PTPRN2: variants seen among roughly 807,000 people sequenced by gnomAD.
The protein encoded by PTPRN2 is receptor-type tyrosine-protein phosphatase N2.
A neutral mutation model predicts 118.8 loss-of-function variants in PTPRN2; 74 were observed. The ratio of observed to expected loss-of-function variants is 0.62; its 90% confidence interval spans 0.52 to 0.76. The LOEUF (loss-of-function observed/expected upper bound fraction) is 0.76, where lower values mean the gene tolerates loss of function less well. Among genes scored for constraint, PTPRN2 ranks in the 30% least tolerant of loss-of-function variants. The pLI, the probability that PTPRN2 is intolerant of heterozygous loss-of-function variation, is 0.00. For missense variants in PTPRN2, 1,481 were observed against 1,394.4 expected, an observed-to-expected ratio of 1.06 and a Z score of -0.99; for synonymous variants, 641 against 608.0, an observed-to-expected ratio of 1.05 and a Z score of -0.80.
At chr7:157,686,706 G>C (rs1443744932) in intron 12 of PTPRN2, among the ~76,000 whole-genome samples, 4 of 152,236 alleles carry the variant, frequency 2.6e-5, no homozygotes, top group Admixed American at 6.5e-5. Context: ...TTTGAAAAGC[G>C]GAACACCCCC....
intron 12 of PTPRN2, among the ~76,000 whole-genome samples, chr7:157,736,364 C>T (rs905841849): frequency 3.3e-5 from 5 of 152,140 alleles, no homozygotes; most frequent in Non-Finnish European, 7.3e-5. Context: ...GGAGACAGGA[C>T]CTCCAAGGAG....
At chr7:158,475,255 C>A (rs13311955) in intron 2 of PTPRN2, among the ~76,000 whole-genome samples, 35,102 of 83,016 alleles carry the variant, frequency 0.42, 4,360 homozygotes, top group Admixed American at 0.53. Flanking sequence ...CGAGGACTCC[C>A]CGGCTTCCCC....
chr7:157,706,910 A>G (rs1001989834), intron 12 of PTPRN2, among the ~76,000 whole-genome samples: 1 of 151,646 alleles, frequency 6.6e-6, no homozygotes, highest in African/African-American at 2.4e-5. Context: ...ATCCCTCCAG[A>G]ATGCCGGGAA....
chr7:158,133,912 T>C lies in PTPRN2; in HGVS notation c.1321A>G (p.Thr441Ala). 2 of 1,613,944 alleles carry C rather than the reference T, an allele frequency of 1.2e-6. No homozygotes were observed. Among genetic ancestry groups the C allele is most frequent in the Non-Finnish European group, 1.7e-6 (2 of 1,180,032 alleles). ...CTCTTGACGTTCTCCACTCCGGCAG[T>C]CTCCTCTTCTGAAGACAGGGAAGAC... Reference protein sequence around the residue: ...PESSLSSEEETAGVENVKSQT... With the variant: ...PESSLSSEEEAAGVENVKSQT... Residue 441 changes from threonine (T) to alanine (A), a missense_variant, in exon 9 of 23, where the codon ACT (threonine) becomes GCT (alanine). Around this residue, in one of 3 missense-constraint regions of PTPRN2, gnomAD observed 1,115 missense variants for 994.2 expected, o/e 1.12. Coordinates refer to ENST00000389418, the MANE Select transcript of PTPRN2 (RefSeq NM_002847.5).
chr7:157,872,745 T>C (rs1487327164), intron 12 of PTPRN2, among the ~76,000 whole-genome samples: 6 of 152,224 alleles, frequency 3.9e-5, no homozygotes, highest in African/African-American at 1.4e-4. Context: ...AGGCCCTCAG[T>C]CCACATGCCC....
intron 2 of PTPRN2, among the ~76,000 whole-genome samples, chr7:158,381,254 C>T: frequency 6.6e-6 from 1 of 152,194 alleles, no homozygotes; most frequent in East Asian, 1.9e-4. Flanking sequence ...TGCAAATTTT[C>T]TGAACTTTTA....
chr7:158,393,186 C>T (rs1812073929), intron 2 of PTPRN2, among the ~76,000 whole-genome samples: 1 of 152,206 alleles, frequency 6.6e-6, no homozygotes, highest in Non-Finnish European at 1.5e-5. Flanking sequence ...GTCACAGCGC[C>T]TCCAACGCAC....
intron 2 of PTPRN2, among the ~76,000 whole-genome samples, chr7:158,418,675 A>C (rs1269369472): frequency 6.8e-6 from 1 of 147,696 alleles, no homozygotes; most frequent in Non-Finnish European, 1.5e-5. Context: ...CCCCTGTGTT[A>C]AGTCACGGTG....
At chr7:157,789,667 T>A (rs1211141769) in intron 12 of PTPRN2, among the ~76,000 whole-genome samples, 6 of 42,034 alleles carry the variant, frequency 1.4e-4, no homozygotes, top group African/African-American at 9.7e-4. Flanking sequence ...GTGTGTGTGG[T>A]ATGTGTGCAT....
intron 3 of PTPRN2, among the ~76,000 whole-genome samples, chr7:158,298,401 G>A (rs911968997): frequency 3.9e-5 from 6 of 152,202 alleles, no homozygotes; most frequent in African/African-American, 1.4e-4. Context: ...TTTCAGATAT[G>A]TTTGGATTTA....
chr7:158,263,129 A>G (rs974878274), intron 3 of PTPRN2, among the ~76,000 whole-genome samples: 4 of 144,648 alleles, frequency 2.8e-5, no homozygotes, highest in African/African-American at 7.8e-5. Flanking sequence ...ACACATACAC[A>G]TATACACACA....
chr7:158,003,487 G>A lies in PTPRN2; in HGVS notation c.1723+77811C>T, dbSNP rs914447336. Among the ~76,000 whole-genome samples, 7 of 151,932 alleles carry A rather than the reference G, an allele frequency of 4.6e-5. No homozygotes were observed. Among genetic ancestry groups the A allele is most frequent in the Non-Finnish European group, 7.4e-5 (5 of 67,994 alleles). ...TAGGACCTGTGTTCTTCAGGAAGAGGAAGAGACACACAGCCTGCATCTACA... is the reference window on the plus strand; with the variant it reads ...TAGGACCTGTGTTCTTCAGGAAGAGAAAGAGACACACAGCCTGCATCTACA... On this transcript the variant is annotated intron_variant, in intron 11 of 22. Coordinates refer to ENST00000389418, the MANE Select transcript of PTPRN2 (RefSeq NM_002847.5). This position sits in a 1 kb window ranked among gnomAD's most constrained non-coding sequence, Gnocchi z 5.0.
At chr7:158,471,346 TGCTGGTCTCCA>T (rs951065442) in intron 2 of PTPRN2, among the ~76,000 whole-genome samples, 10 of 149,148 alleles carry the variant, frequency 6.7e-5, no homozygotes, top group Admixed American at 2.0e-4. Flanking sequence ...CACACAGCAC[TGCTGGTCTCCA>T]GTCTCTGGGA....
chr7:157,801,947 C>A lies in PTPRN2; in HGVS notation c.1788+96726G>T, dbSNP rs978688456. Among the ~76,000 whole-genome samples, 2 of 152,136 alleles carry A rather than the reference C, an allele frequency of 1.3e-5. No individual in the cohort carries two copies. Among genetic ancestry groups the A allele is most frequent in the African/African-American group, 2.4e-5 (1 of 41,418 alleles). On this transcript the variant is annotated intron_variant, in intron 12 of 22. Transcript: ENST00000389418. The surrounding 1 kb of genome is among the most constrained non-coding windows in gnomAD (Gnocchi z 4.2). The stretch of plus-strand genomic sequence containing the variant: ...AGCTGAAGTCAGGGCTTGGGTGGGC[C>A]GCACGCTCTGGGGCGGCTCCTGACC...
chr7:158,003,674 G>C lies in PTPRN2; in HGVS notation c.1723+77624C>G, dbSNP rs1393741820. On this transcript the variant is annotated intron_variant, in intron 11 of 22. Coordinates refer to ENST00000389418, the MANE Select transcript of PTPRN2 (RefSeq NM_002847.5). This position sits in a 1 kb window ranked among gnomAD's most constrained non-coding sequence, Gnocchi z 5.0. ...CTGTGGGGCTTCACCGTGGCCACCC[G>C]AGCTGACTGACAGGGGTGGGGAAGC... is the stretch of plus-strand genomic sequence containing the variant. Among the ~76,000 whole-genome samples the C allele has an allele frequency of 6.6e-6, 1 of 151,986 alleles. No individual in the cohort carries two copies. Among genetic ancestry groups the C allele is most frequent in the Non-Finnish European group, 1.5e-5 (1 of 67,992 alleles).
chr7:157,889,783 C>A (rs1283420619), intron 12 of PTPRN2, among the ~76,000 whole-genome samples: 1 of 152,238 alleles, frequency 6.6e-6, no homozygotes, highest in African/African-American at 2.4e-5. Context: ...GGCTACGCTT[C>A]CCAGCTGGTC....
At chr7:158,337,592 CTCACACCCACACTCTCACCATAA>C (rs1805913887) in intron 2 of PTPRN2, among the ~76,000 whole-genome samples, 4 of 80,436 alleles carry the variant, frequency 5.0e-5, no homozygotes, top group Admixed American at 4.5e-4. Flanking sequence ...GCAGACGTCA[CTCACACCCACACTCTCACCATAA>C]GAGGAGACAC....
In PTPRN2 at chr7:158,096,746, C is replaced by T. The variant is rs997656106; in HGVS notation, c.1643+14083G>A. On this transcript the variant is annotated intron_variant, in intron 10 of 22. Coordinates refer to ENST00000389418, the MANE Select transcript of PTPRN2 (RefSeq NM_002847.5). ...ACATAACATGAGGCCCCATTCCCCA[C>T]CTTCCTCACTTGGCAAATCCAGAAC... Among the ~76,000 whole-genome samples, 4 of 152,228 alleles carry T rather than the reference C, an allele frequency of 2.6e-5. No homozygotes were observed. The East Asian group carries it at 5.8e-4, about 22-fold the overall frequency.
At chr7:157,885,410 C>T (rs542780018) in intron 12 of PTPRN2, among the ~76,000 whole-genome samples, 20 of 152,156 alleles carry the variant, frequency 1.3e-4, no homozygotes, top group Non-Finnish European at 2.5e-4. Context: ...GCACCTGATG[C>T]CCACCTGGGC....
Sources: allele counts gnomAD v4.1 joint callset (sites outside exome capture counted in the v4.1 genomes callset), GRCh38; gene constraint gnomAD v4.1.1; regional missense constraint gnomAD v4.1.1; non-coding constraint Gnocchi (gnomAD v3.1); transcripts MANE v1.5; gene names NCBI Gene and HGNC (gene_info 2026-07-23, HGNC 2026-07-21).